ZSCAN18: variants seen among roughly 807,000 people sequenced by gnomAD.
ZSCAN18 encodes zinc finger and SCAN domain-containing protein 18.
Under a neutral mutation model 31.1 loss-of-function variants are expected in ZSCAN18, and 16 were observed. The observed-to-expected ratio is 0.51, with a 90% CI of 0.35 to 0.78. ZSCAN18 has a LOEUF of 0.78. ZSCAN18 is among the 30% of genes least tolerant of loss of function. The pLI is 0.01. For synonymous variants in ZSCAN18, 375 were observed against 320.7 expected, an observed-to-expected ratio of 1.17 and a Z score of -1.81; for missense variants, 731 against 697.4, an observed-to-expected ratio of 1.05 and a Z score of -0.54.
rs547866956 is a variant in ZSCAN18 at position 58,089,078 on chromosome 19, C to T, written c.404-241G>A. Among the ~76,000 whole-genome samples, 958 of 151,606 alleles carry T rather than the reference C, an allele frequency of 6.3e-3. 15 individuals carry two copies. Among genetic ancestry groups the T allele is most frequent in the Admixed American group, 0.015 (233 of 15,216 alleles). On this transcript the variant is annotated intron_variant, in intron 2 of 6. Coordinates refer to ENST00000601144, the MANE Select transcript of ZSCAN18 (RefSeq NM_001145543.2). The stretch of plus-strand genomic sequence containing the variant: ...CAGCACTTTGGGAGGCCGAGGCGGG[C>T]GGATCACGAGGTCAGGAGATCGAGG...
intron 1 of ZSCAN18, among the ~76,000 whole-genome samples, chr19:58,103,695 G>C (rs1447480006): frequency 6.6e-6 from 1 of 152,154 alleles, no homozygotes; most frequent in Non-Finnish European, 1.5e-5. Flanking sequence ...ACTTAGGCCA[G>C]TTAATAACCC....
chr19:58,108,169 A>C (rs1473757428), intron 1 of ZSCAN18: 3 of 986,296 alleles, frequency 3.0e-6, no homozygotes, highest in Non-Finnish European at 3.6e-6. Flanking sequence ...CACTCCATAC[A>C]CATATAGGGT....
At chr19:58,093,532 C>G (rs2074457715) in intron 1 of ZSCAN18, 2 of 152,264 alleles carry the variant, frequency 1.3e-5, no homozygotes, top group African/African-American at 4.8e-5. Context: ...AGAGGACCCT[C>G]AGACCCAAGC....
At chr19:58,118,336 G>T in exon 1 of ZSCAN18, 1 of 1,533,548 alleles carries the variant, frequency 6.5e-7, no homozygotes, top group Non-Finnish European at 8.8e-7. Flanking sequence ...GCCGCGAGAG[G>T]ACGGAACTCA....
chr19:58,085,722 G>T, intron 6 of ZSCAN18: 1 of 390,130 alleles, frequency 2.6e-6, no homozygotes, highest in Non-Finnish European at 4.6e-6. Context: ...AGGAGAGCCT[G>T]CTCAGAGCGC....
chr19:58,100,786 G>A (rs2146016919), upstream of ZSCAN18, among the ~76,000 whole-genome samples: 1 of 151,946 alleles, frequency 6.6e-6, no homozygotes, highest in Non-Finnish European at 1.5e-5. Context: ...GAGAGGCTGA[G>A]GCAGCTTGAA....
upstream of ZSCAN18, among the ~76,000 whole-genome samples, chr19:58,099,089 T>C (rs1024499783): frequency 3.3e-5 from 5 of 152,370 alleles, no homozygotes; most frequent in African/African-American, 1.2e-4. Flanking sequence ...TGGTCGTTTT[T>C]GTGTGAACTG....
intron 1 of ZSCAN18, chr19:58,108,875 G>A: frequency 9.9e-7 from 1 of 1,006,170 alleles, no homozygotes; most frequent in Non-Finnish European, 1.2e-6. Flanking sequence ...TCATCAAGGT[G>A]GCTAGGTTGT....
At chr19:58,085,782 T>C (rs2074267352) in intron 6 of ZSCAN18, 1 of 302,558 alleles carries the variant, frequency 3.3e-6, no homozygotes, top group Non-Finnish European at 6.1e-6. Context: ...GTGGGGTCAA[T>C]AGCTAAGGCC....
Position 58,085,240 on chromosome 19 carries a change from T to A in ZSCAN18, c.978A>T (p.Glu326Asp), listed in dbSNP as rs61745257. 4.8e-4 allele frequency: 775 copies of A among 1,607,062 alleles called. 5 individuals carry two copies. In the African/African-American group the frequency reaches 8.5e-3, roughly 18 times the overall value. ...DPPSGTTEEEEEQPGKAPDPQ... is the reference protein window; with the variant it reads ...DPPSGTTEEEDEQPGKAPDPQ... ...GGTCCGGGGCCTTCCCAGGCTGCTC[T>A]TCCTCCTCCTCAGTGGTGCCCGACG... is the stretch of plus-strand genomic sequence containing the variant. The change falls in exon 7 of 7, where the codon GAA (glutamate) becomes GAT (aspartate). Residue 326 changes from glutamate to aspartate, a missense_variant. Physicochemically the swap from Glu to Asp is conservative, Grantham distance 45 (BLOSUM62 2). Around this residue, in one of 4 missense-constraint regions of ZSCAN18, gnomAD observed 597 missense variants for 499.5 expected, o/e 1.20. Coordinates refer to ENST00000601144, the MANE Select transcript of ZSCAN18 (RefSeq NM_001145543.2).
exon 1 of ZSCAN18, chr19:58,118,363 C>T (rs1247641700): frequency 6.5e-7 from 1 of 1,533,116 alleles, no homozygotes; most frequent in East Asian, 2.6e-5. Context: ...GCCGCCGTAG[C>T]GTCCTCGTCA....
intron 1 of ZSCAN18, chr19:58,109,195 G>T (rs553422548): frequency 1.6e-6 from 2 of 1,231,524 alleles, no homozygotes; most frequent in Non-Finnish European, 2.0e-6. Flanking sequence ...TCCTAATGCA[G>T]ATAAAACAGG....
At chr19:58,086,493 A>C (rs2074283166) in intron 5 of ZSCAN18, 1 of 517,346 alleles carries the variant, frequency 1.9e-6, no homozygotes, top group African/African-American at 1.9e-5. Flanking sequence ...GAGAAAGCAA[A>C]GCTAAAGAAA....
upstream of ZSCAN18, among the ~76,000 whole-genome samples, chr19:58,100,753 G>A (rs1046287259): frequency 6.6e-6 from 1 of 150,972 alleles, no homozygotes; most frequent in Non-Finnish European, 1.5e-5. Context: ...CATGGTGGCA[G>A]GTGCCTGTAA....
Position 58,098,216 on chromosome 19 carries a change from C to T in ZSCAN18, c.-162G>A, listed in dbSNP as rs976170727. ...CAGGCCGGTCCCAGCCGCCCGGAGC[C>T]CCAGTGCGCGATGGCGGCCGGCAAA... On this transcript the variant is annotated 5_prime_UTR_variant, in exon 1 of 7. Transcript: ENST00000601144. 19 of 985,510 alleles carry T rather than the reference C, an allele frequency of 1.9e-5. No individual in the cohort carries two copies. The highest frequency in any genetic ancestry group is 2.3e-5 in the Non-Finnish European group (19 of 829,992). The allele number at this position is 985,510 out of a possible 1,614,324, so 61.0% of individuals were successfully genotyped here.
chr19:58,113,445 G>A (rs1004930991), intron 1 of ZSCAN18, among the ~76,000 whole-genome samples: 6 of 152,136 alleles, frequency 3.9e-5, no homozygotes, highest in African/African-American at 1.4e-4. Flanking sequence ...CACTTGTAAA[G>A]ATAAGCTATC....
rs547073528 is a variant in ZSCAN18, at chr19:58,083,903, C to T, written c.*782G>A. 7.6e-4 allele frequency: 116 copies of T among 152,330 alleles called. 2 individuals are homozygous for T. Among genetic ancestry groups the T allele is most frequent in the Middle Eastern group, 3.4e-3 (1 of 294 alleles). 9.4% of individuals were successfully genotyped at this position (152,330 alleles called of 1,614,324 possible). On this transcript the variant is annotated 3_prime_UTR_variant, in exon 7 of 7. Coordinates refer to ENST00000601144, the MANE Select transcript of ZSCAN18 (RefSeq NM_001145543.2). ...GACAGATCTTTATTAGTGTTTTCAA[C>T]TTATTTTGCTCACAACTTCCCAGCA... is the stretch of plus-strand genomic sequence containing the variant.
exon 1 of ZSCAN18, chr19:58,118,302 G>T: frequency 6.6e-7 from 1 of 1,515,602 alleles, no homozygotes; most frequent in South Asian, 1.2e-5. Flanking sequence ...CGGTGGGCGG[G>T]AACGGAGGAA....
At chr19:58,104,262 C>T (rs559739415) in intron 1 of ZSCAN18, among the ~76,000 whole-genome samples, 2 of 152,074 alleles carry the variant, frequency 1.3e-5, no homozygotes, top group Non-Finnish European at 2.9e-5. Flanking sequence ...GCCTGTAGTC[C>T]CAGCTACTCA....
Sources: allele counts gnomAD v4.1 joint callset (sites outside exome capture counted in the v4.1 genomes callset), GRCh38; gene constraint gnomAD v4.1.1; regional missense constraint gnomAD v4.1.1; transcripts MANE v1.5; gene names NCBI Gene and HGNC (gene_info 2026-07-23, HGNC 2026-07-21).